The following SLC12A7 variants were observed in gnomAD, a reference collection of about 807,000 sequenced individuals.
The protein encoded by SLC12A7 is K-Cl cotransporter 4.
SLC12A7 carries 100 observed loss-of-function variants against 120.6 expected under a neutral mutation model. The ratio of observed to expected loss-of-function variants is 0.83; its 90% CI spans 0.71 to 0.98. The LOEUF (loss-of-function observed/expected upper bound fraction) is 0.98. SLC12A7 is among the 50% of genes least tolerant of loss of function. The probability of loss-of-function intolerance (pLI) is 0.00; values close to 1 mark genes in which losing one functional copy is unlikely to be tolerated. For missense variants in SLC12A7, 1,373 were observed against 1,548.1 expected, an observed-to-expected ratio of 0.89 and a Z score of 1.90; for synonymous variants, 760 against 678.0, an observed-to-expected ratio of 1.12 and a Z score of -1.88.
the SLC12A7 span, among the ~76,000 whole-genome samples, chr5:1,121,764 G>A: frequency 6.6e-6 from 1 of 152,180 alleles, no homozygotes; most frequent in Non-Finnish European, 1.5e-5. Context: ...AACCCTGGAA[G>A]CACCCATGGG....
At chr5:1,150,257 A>G in the SLC12A7 span, among the ~76,000 whole-genome samples, 1 of 151,912 alleles carries the variant, frequency 6.6e-6, no homozygotes, top group African/African-American at 2.4e-5. Context: ...CATTTTTTTT[A>G]GTCTGTGCTT....
the SLC12A7 span, among the ~76,000 whole-genome samples, chr5:1,131,250 G>A: frequency 4.3e-3 from 651 of 152,266 alleles, 3 homozygotes; most frequent in African/African-American, 0.014. Context: ...CAGGGACACC[G>A]TCCCTCCCGG....
intron 5 of SLC12A7, among the ~76,000 whole-genome samples, chr5:1,087,559 C>T (rs1344038494): frequency 6.6e-6 from 1 of 152,206 alleles, no homozygotes; most frequent in African/African-American, 2.4e-5. Context: ...ACGCGGCCAT[C>T]GTGAAGCAGA....
intron 22 of SLC12A7, among the ~76,000 whole-genome samples, chr5:1,054,994 G>A (rs1050986342): frequency 2.6e-5 from 4 of 152,206 alleles, no homozygotes; most frequent in South Asian, 2.1e-4. Context: ...CAGGGGGGTC[G>A]GAGTGGGCAG....
At chr5:1,088,087 G>A (rs1361469575) in intron 5 of SLC12A7, among the ~76,000 whole-genome samples, 1 of 152,166 alleles carries the variant, frequency 6.6e-6, no homozygotes, top group African/African-American at 2.4e-5. Context: ...CCTGGCAAGA[G>A]ACGGTCACCA....
At chr5:1,055,639 C>T (rs1735533842) in intron 22 of SLC12A7, among the ~76,000 whole-genome samples, 1 of 152,214 alleles carries the variant, frequency 6.6e-6, no homozygotes, top group African/African-American at 2.4e-5. Flanking sequence ...GGGACCTGCC[C>T]CCGCCCCGAC....
the SLC12A7 span, among the ~76,000 whole-genome samples, chr5:1,147,958 C>G: frequency 6.6e-6 from 1 of 151,930 alleles, no homozygotes; most frequent in Non-Finnish European, 1.5e-5. Flanking sequence ...TGGTCTTGAA[C>G]TCCTGTAGGG....
At chr5:1,098,513 GGC>G (rs1741607820) in intron 1 of SLC12A7, among the ~76,000 whole-genome samples, 1 of 3,890 alleles carries the variant, frequency 2.6e-4, no homozygotes, top group African/African-American at 1.0e-3. Context: ...TGCACACCCA[GGC>G]CCCCCTCTAA....
intron 23 of SLC12A7, among the ~76,000 whole-genome samples, chr5:1,053,027 G>A (rs1579300955): frequency 6.6e-6 from 1 of 152,206 alleles, no homozygotes; most frequent in African/African-American, 2.4e-5. Flanking sequence ...CCCAGCGGAG[G>A]TCCCAGAATG....
the SLC12A7 span, among the ~76,000 whole-genome samples, chr5:1,122,955 GCTGGGGGCGTCGCCCTGGCTGC>G: frequency 6.6e-6 from 1 of 152,402 alleles, no homozygotes; most frequent in East Asian, 1.9e-4. Context: ...TCTGGGAGGA[GCTGGGGGCGTCGCCCTGGCTGC>G]CTGGGGGCGC....
At chr5:1,053,532 C>A in intron 22 of SLC12A7, 50 bp from the exon 23 acceptor site, 2 of 1,597,796 alleles carry the variant, frequency 1.3e-6, no homozygotes, top group South Asian at 1.1e-5. Context: ...ACCCCACGCT[C>A]CGGACACGAG....
the SLC12A7 span, among the ~76,000 whole-genome samples, chr5:1,151,888 C>T: frequency 2.0e-5 from 3 of 152,180 alleles, no homozygotes; most frequent in Admixed American, 6.5e-5. This position sits in a 1 kb window ranked among gnomAD's most constrained non-coding sequence, Gnocchi z 6.2. Flanking sequence ...CGCCAGGTGA[C>T]GAATCCTGCC....
chr5:1,154,847 C>T, the SLC12A7 span, among the ~76,000 whole-genome samples: 1 of 152,218 alleles, frequency 6.6e-6, no homozygotes, highest in Non-Finnish European at 1.5e-5. Context: ...AGCAGCCTAC[C>T]CTGGCCATGC....
intron 23 of SLC12A7, among the ~76,000 whole-genome samples, 174 bp downstream of exon 23, chr5:1,053,175 C>G (rs550724310): frequency 1.3e-5 from 2 of 152,320 alleles, no homozygotes; most frequent in Admixed American, 1.3e-4. Context: ...CAACTCTGGC[C>G]CGGTCACCAC....
At chr5:1,150,817 G>A in the SLC12A7 span, among the ~76,000 whole-genome samples, 48 of 152,378 alleles carry the variant, frequency 3.2e-4, no homozygotes, top group Non-Finnish European at 6.0e-4. Context: ...GGGCTGGCAG[G>A]TTTTCAGACA....
Position 1,062,779 on chromosome 5 carries a change from G to A in SLC12A7, c.2739+1065C>T, listed in dbSNP as rs151204188. The A allele has an allele frequency of 2.9e-3, 443 of 154,268 alleles. 2 individuals carry two copies. The highest frequency in any genetic ancestry group is 9.6e-3 in the African/African-American group (399 of 41,618). The allele number at this position is 154,268 out of a possible 1,614,324, so 9.6% of individuals were successfully genotyped here. ...GCTGCAGGGGCACAGGTGGCTTCCT[G>A]GGGGACAGCGTGACAGTCTCTATCC... On this transcript the variant is annotated intron_variant, in intron 20 of 23. Coordinates refer to ENST00000264930, the MANE Select transcript of SLC12A7 (RefSeq NM_006598.3).
rs529013262 is a variant in SLC12A7, at chr5:1,097,992, G to A, written c.125-3744C>T. On this transcript the variant is annotated intron_variant, in intron 1 of 23. Coordinates refer to ENST00000264930, the MANE Select transcript of SLC12A7 (RefSeq NM_006598.3). The stretch of plus-strand genomic sequence containing the variant: ...CAGGTCAGACCTGAACCAAGAGTGC[G>A]TCCCGGGGACGTCATGGGCTCAATG... Among the ~76,000 whole-genome samples, 9 of 152,074 alleles carry A rather than the reference G, an allele frequency of 5.9e-5. No homozygotes were observed. In the South Asian group the frequency reaches 1.4e-3, roughly 24 times the overall value.
intron 22 of SLC12A7, chr5:1,056,500 C>G: frequency 1.4e-6 from 1 of 713,860 alleles, no homozygotes; most frequent in Non-Finnish European, 1.7e-6. Flanking sequence ...AACACGCGCA[C>G]AGACACACGC....
rs748453879 is a variant in SLC12A7, at chr5:1,051,889, G to A, written c.*471C>T. 1.9e-4 allele frequency: 32 copies of A among 166,562 alleles called. No individual in the cohort carries two copies. The highest frequency in any genetic ancestry group is 1.4e-3 in the Admixed American group (23 of 16,178). The allele number at this position is 166,562 out of a possible 1,614,324, so 10.3% of individuals were successfully genotyped here. On this transcript the variant is annotated 3_prime_UTR_variant, in exon 24 of 24. Transcript: ENST00000264930. ...GGAACAGAGTGACTCGGAGGTGACCGGGGCCCTGAGCGGAGCCATGGCCAG... is the reference window on the plus strand; with the variant it reads ...GGAACAGAGTGACTCGGAGGTGACCAGGGCCCTGAGCGGAGCCATGGCCAG...
Sources: allele counts gnomAD v4.1 joint callset (sites outside exome capture counted in the v4.1 genomes callset), GRCh38; gene constraint gnomAD v4.1.1; non-coding constraint Gnocchi (gnomAD v3.1); transcripts MANE v1.5; gene names NCBI Gene and HGNC (gene_info 2026-07-23, HGNC 2026-07-21).